The following RHBDD2 variants were observed in gnomAD, a reference collection of about 807,000 sequenced individuals.
The protein encoded by RHBDD2 is rhomboid domain containing 2.
A neutral mutation model predicts 21.7 loss-of-function variants in RHBDD2; 13 were observed. That is an observed-to-expected ratio of 0.60 (90% CI 0.39 to 0.95). RHBDD2 has a LOEUF of 0.95. Ranked by LOEUF, RHBDD2 falls within the 40% of genes least tolerant of loss-of-function variation. The probability of loss-of-function intolerance (pLI) is 0.00; values close to 1 mark genes in which losing one functional copy is unlikely to be tolerated. For missense variants in RHBDD2, 473 were observed against 478.9 expected, an observed-to-expected ratio of 0.99 and a Z score of 0.11; for synonymous variants, 225 against 220.0, an observed-to-expected ratio of 1.02 and a Z score of -0.20.
intron 2 of RHBDD2, 134 bp from the exon 3 acceptor site, chr7:75,883,564 A>T: frequency 2.7e-6 from 2 of 745,632 alleles, no homozygotes; most frequent in Non-Finnish European, 4.4e-6. Flanking sequence ...CTGAGCTGCA[A>T]ACTCCAGCCA....
At position 75,883,695 on chromosome 7, in the gene RHBDD2, CAGAT is replaced by C; in HGVS notation, c.587-2_588del. 1 of 1,612,660 alleles carries C rather than the reference CAGAT, an allele frequency of 6.2e-7. No individual in the cohort carries two copies. Among genetic ancestry groups the C allele is most frequent in the Non-Finnish European group, 8.5e-7 (1 of 1,179,334 alleles). Reference sequence around the variant, plus strand: ...CCAGTTTCACTTAACACGCCAACCTCAGATGGCCTCACCTACTGCTATTCCATCG... The same window carrying C: ...CCAGTTTCACTTAACACGCCAACCTCGGCCTCACCTACTGCTATTCCATCG... On this transcript the variant is annotated splice_acceptor_variant and coding_sequence_variant, in exon 3 of 4. Transcript: ENST00000006777. LOFTEE classifies it high-confidence loss of function.
chr7:75,883,771 C>T lies in RHBDD2; in HGVS notation c.660C>T (p.Phe220=). ...VALKLDQTFP[F]SLMRRISVFK... ...TGAAGCTCGATCAGACCTTCCCCTT[C>T]AGCCTGATGAGGAGGATATCCGTGT... The change falls in exon 3 of 4, where the codon TTC becomes TTT. Residue 220 remains phenylalanine (F), a synonymous_variant. Transcript: ENST00000006777. The T allele has an allele frequency of 6.2e-7, 1 of 1,613,874 alleles. No individual in the cohort carries two copies. Among genetic ancestry groups the T allele is most frequent in the Non-Finnish European group, 8.5e-7 (1 of 1,179,794 alleles).
At chr7:75,887,322 C>A (rs1241741336) in intron 3 of RHBDD2, among the ~76,000 whole-genome samples, 16 of 139,934 alleles carry the variant, frequency 1.1e-4, no homozygotes, top group Middle Eastern at 3.7e-3. Context: ...AAAAAAAAAA[C>A]AATTTTTTTT....
rs1805834099 is a variant in RHBDD2 at position 75,888,476 on chromosome 7, CT to C, written c.*128del. 1 of 753,470 alleles carries C rather than the reference CT, an allele frequency of 1.3e-6. No individual in the cohort carries two copies. Among genetic ancestry groups the C allele is most frequent in the South Asian group, 1.7e-5 (1 of 59,436 alleles). 46.7% of individuals were successfully genotyped at this position (753,470 alleles called of 1,614,324 possible). A position where few individuals can be genotyped will look rare whatever the true frequency, so the allele number is the denominator to read the frequency against. ...GTGTTGGGTACTTTGATCAATGCCC[CT>C]GTTTCAGTCTCATCTGTACTCACGG... On this transcript the variant is annotated 3_prime_UTR_variant, in exon 4 of 4. Coordinates refer to ENST00000006777, the MANE Select transcript of RHBDD2 (RefSeq NM_001040456.3).
rs782360131 is a variant in RHBDD2 at position 75,888,114 on chromosome 7, C to G, written c.860C>G (p.Thr287Ser). 1 of 1,613,830 alleles carries G rather than the reference C, an allele frequency of 6.2e-7. No homozygotes were observed. Among genetic ancestry groups the G allele is most frequent in the Admixed American group, 1.7e-5 (1 of 60,026 alleles). Residue 287 changes from threonine (T) to serine (S), a missense_variant, in exon 4 of 4, where the codon ACC (threonine) becomes AGC (serine). By Grantham distance (58) the Thr-to-Ser change is moderately conservative. Coordinates refer to ENST00000006777, the MANE Select transcript of RHBDD2 (RefSeq NM_001040456.3). ...AAGCTGGCCTCCTGGCCCTCCTGCA[C>G]CCCCGGGCACATGCCCACCTTGCCT... Reference protein sequence around the residue: ...GQKLASWPSCTPGHMPTLPPY... With the variant: ...GQKLASWPSCSPGHMPTLPPY...
At chr7:75,886,442 T>C (rs1805671468) in intron 3 of RHBDD2, among the ~76,000 whole-genome samples, 1 of 152,110 alleles carries the variant, frequency 6.6e-6, no homozygotes, top group Admixed American at 6.6e-5. Context: ...ATCCCCTCTG[T>C]AATAGCTGAT....
intron 3 of RHBDD2, among the ~76,000 whole-genome samples, chr7:75,884,983 G>C (rs1805569492): frequency 6.6e-6 from 1 of 151,926 alleles, no homozygotes; most frequent in East Asian, 1.9e-4. Flanking sequence ...GCGTGGTGGT[G>C]GTTGCCTGTA....
rs576690891 is a variant in RHBDD2, at chr7:75,883,393, C to T, written c.587-305C>T. 47 of 192,132 alleles carry T rather than the reference C, an allele frequency of 2.4e-4. No homozygotes were observed. The East Asian group carries it at 3.2e-3, about 13-fold the overall frequency. 11.9% of individuals were successfully genotyped at this position (192,132 alleles called of 1,614,324 possible). On this transcript the variant is annotated intron_variant, in intron 2 of 3. Transcript: ENST00000006777. ...AATTAGCTGGGTGTGGTGACGGGCA[C>T]CTGTAGTCCCAGCTACTCTGGAGGC... is the stretch of plus-strand genomic sequence containing the variant.
Position 75,881,679 on chromosome 7 carries a change from G to A in RHBDD2, c.179-150G>A, listed in dbSNP as rs1462996122. 2.1e-5 allele frequency: 19 copies of A among 911,110 alleles called. 1 individual carries two copies. Among genetic ancestry groups the A allele is most frequent in the South Asian group, 1.5e-4 (9 of 58,378 alleles). The allele number at this position is 911,110 out of a possible 1,614,324, so 56.4% of individuals were successfully genotyped here. A position where few individuals can be genotyped will look rare whatever the true frequency, so the allele number is the denominator to read the frequency against. ...GGCTCTGGGTCCTTCATTGTTGAAC[G>A]CACTGCTTGTATTGCCTCCTGCTGC... On this transcript the variant is annotated intron_variant, in intron 1 of 3. Coordinates refer to ENST00000006777, the MANE Select transcript of RHBDD2 (RefSeq NM_001040456.3).
intron 2 of RHBDD2, among the ~76,000 whole-genome samples, chr7:75,882,670 A>G (rs1361391494): frequency 1.3e-5 from 2 of 151,700 alleles, no homozygotes; most frequent in Non-Finnish European, 2.9e-5. Flanking sequence ...CATATCTGGT[A>G]ATTTTTTATT....
chr7:75,885,102 A>G (rs546747553), intron 3 of RHBDD2, among the ~76,000 whole-genome samples: 15 of 148,574 alleles, frequency 1.0e-4, no homozygotes, highest in African/African-American at 3.8e-4. Flanking sequence ...TGACAGAGCA[A>G]GACACTGTCT....
Position 75,888,771 on chromosome 7 carries a change from C to T in RHBDD2, c.*422C>T, listed in dbSNP as rs199683729. The T allele has an allele frequency of 1.8e-4, 37 of 206,020 alleles. No homozygotes were observed. In the East Asian group the frequency reaches 4.2e-3, roughly 23 times the overall value. 12.8% of individuals were successfully genotyped at this position (206,020 alleles called of 1,614,324 possible). A position where few individuals can be genotyped will look rare whatever the true frequency, so the allele number is the denominator to read the frequency against. ...AGGAGCTCGCAGCTGGTGTGCTTGGCGGTCCCAGGCCTGTGTAGTGTCTCT... is the reference window on the plus strand; with the variant it reads ...AGGAGCTCGCAGCTGGTGTGCTTGGTGGTCCCAGGCCTGTGTAGTGTCTCT... On this transcript the variant is annotated 3_prime_UTR_variant, in exon 4 of 4. Transcript: ENST00000006777.
chr7:75,888,695 C>G lies in RHBDD2; in HGVS notation c.*346C>G. 1 of 310,804 alleles carries G rather than the reference C, an allele frequency of 3.2e-6. No homozygotes were observed. Among genetic ancestry groups the G allele is most frequent in the Non-Finnish European group, 6.1e-6 (1 of 164,296 alleles). The allele number at this position is 310,804 out of a possible 1,614,324, so 19.3% of individuals were successfully genotyped here. On this transcript the variant is annotated 3_prime_UTR_variant, in exon 4 of 4. Coordinates refer to ENST00000006777, the MANE Select transcript of RHBDD2 (RefSeq NM_001040456.3). ...CCAGCTCCACCATTCCTCCCTGTGG[C>G]TGTGCCGTGCTCGTGGTTTCAGTGT...
Position 75,879,249 on chromosome 7 carries a change from G to A in RHBDD2, c.167G>A (p.Arg56His), listed in dbSNP as rs782741533. Reference sequence around the variant, plus strand: ...CTCACGCTGAAGTCCGAGGCCCTTCGCAACTGGCAAGGTGAGCAGGGGCGG... The same window carrying A: ...CTCACGCTGAAGTCCGAGGCCCTTCACAACTGGCAAGGTGAGCAGGGGCGG... ...SGLTLKSEAL[R>H]NWQVYRLVTY... Residue 56 changes from arginine to histidine, a missense_variant, in exon 1 of 4, where the codon CGC becomes CAC. Coordinates refer to ENST00000006777, the MANE Select transcript of RHBDD2 (RefSeq NM_001040456.3). The A allele has an allele frequency of 1.6e-5, 24 of 1,512,626 alleles. No homozygotes were observed. Among genetic ancestry groups the A allele is most frequent in the African/African-American group, 1.0e-4 (7 of 69,712 alleles). 93.7% of individuals were successfully genotyped at this position (1,512,626 alleles called of 1,614,324 possible). A position where few individuals can be genotyped will look rare whatever the true frequency, so the allele number is the denominator to read the frequency against.
Position 75,883,857 on chromosome 7 carries a change from C to G in RHBDD2, c.737+9C>G. 2.5e-6 allele frequency: 4 copies of G among 1,602,902 alleles called. No homozygotes were observed. Among genetic ancestry groups the G allele is most frequent in the Non-Finnish European group, 1.7e-6 (2 of 1,176,218 alleles). ...GCAGCCCAGAGCCGGAAGTAAGTGA[C>G]AGAACTCTTAAGTGCTGTTAAATCT... On this transcript the variant is annotated intron_variant, in intron 3 of 3. Transcript: ENST00000006777.
At chr7:75,881,547 C>A in intron 1 of RHBDD2, 1 of 1,362,154 alleles carries the variant, frequency 7.3e-7, no homozygotes, top group African/African-American at 1.5e-5. Context: ...CAGAGACTGC[C>A]CTCTACCGAA....
chr7:75,888,197 A>G lies in RHBDD2; in HGVS notation c.943A>G (p.Thr315Ala), dbSNP rs1554544454. The change falls in exon 4 of 4, where the codon ACC becomes GCC. Residue 315 changes from threonine to alanine, a missense_variant. Transcript: ENST00000006777. ...YVQNHFGPNP[T>A]SSSVYPASAG... ...GCAGAACCACTTTGGTCCAAACCCCACCTCCTCCAGTGTCTACCCAGCTTC... is the reference window on the plus strand; with the variant it reads ...GCAGAACCACTTTGGTCCAAACCCCGCCTCCTCCAGTGTCTACCCAGCTTC... The G allele has an allele frequency of 6.2e-7, 1 of 1,613,102 alleles. No homozygotes were observed. Among genetic ancestry groups the G allele is most frequent in the Non-Finnish European group, 8.5e-7 (1 of 1,179,892 alleles).
In RHBDD2 at chr7:75,888,369, A is replaced by G; in HGVS notation, c.*20A>G. ...CCCTGAGAGAATTTCTAGGGAAGTC[A>G]TCTCACTTGGCCTTCTGAAGGTCCT... On this transcript the variant is annotated 3_prime_UTR_variant, in exon 4 of 4. Coordinates refer to ENST00000006777, the MANE Select transcript of RHBDD2 (RefSeq NM_001040456.3). 6.3e-7 allele frequency: 1 copy of G among 1,586,312 alleles called. No individual in the cohort carries two copies. The highest frequency in any genetic ancestry group is 8.6e-7 in the Non-Finnish European group (1 of 1,164,670).
chr7:75,888,723 G>GTGTGTCCA lies in RHBDD2; in HGVS notation c.*381_*388dup, dbSNP rs1805853397. ...TGCCGTGCTCGTGGTTTCAGTGTCC[G>GTGTGTCCA]TGTGTCCATGTGTCTGCCCTTCAGG... On this transcript the variant is annotated 3_prime_UTR_variant, in exon 4 of 4. Transcript: ENST00000006777. The GTGTGTCCA allele has an allele frequency of 4.0e-6, 1 of 251,758 alleles. No individual in the cohort carries two copies. The highest frequency in any genetic ancestry group is 7.8e-6 in the Non-Finnish European group (1 of 128,766). The allele number at this position is 251,758 out of a possible 1,614,324, so 15.6% of individuals were successfully genotyped here. A position where few individuals can be genotyped will look rare whatever the true frequency, so the allele number is the denominator to read the frequency against.
Sources: allele counts gnomAD v4.1 joint callset (sites outside exome capture counted in the v4.1 genomes callset), GRCh38; gene constraint gnomAD v4.1.1; transcripts MANE v1.5; gene names NCBI Gene and HGNC (gene_info 2026-07-23, HGNC 2026-07-21).